TCP11L2: variants seen among roughly 807,000 people sequenced by gnomAD.
The protein encoded by TCP11L2 is T-complex protein 11-like protein 2.
Under a neutral mutation model 50.7 loss-of-function variants are expected in TCP11L2, and 39 were observed. That is an observed-to-expected ratio of 0.77 (90% CI 0.60 to 1.01). The LOEUF (loss-of-function observed/expected upper bound fraction) is 1.01. Ranked by LOEUF, TCP11L2 falls within the 50% of genes least tolerant of loss-of-function variation. The pLI is 0.00. For synonymous variants in TCP11L2, 192 were observed against 219.3 expected (o/e 0.88, Z 1.10); for missense variants, 612 against 614.7 (o/e 1.00, Z 0.05).
At chr12:106,303,536 C>T (rs1418811348) in intron 1 of TCP11L2, 2 of 152,292 alleles carry the variant, frequency 1.3e-5, no homozygotes, top group Non-Finnish European at 2.9e-5. Flanking sequence ...TTGCCGGGAC[C>T]TTTGGTTAAG....
intron 1 of TCP11L2, among the ~76,000 whole-genome samples, chr12:106,307,604 C>T (rs116580805): frequency 6.6e-6 from 1 of 152,170 alleles, no homozygotes; most frequent in Non-Finnish European, 1.5e-5. Flanking sequence ...CTTGGAAACT[C>T]AAGACCGAGA....
chr12:106,301,833 C>A (rs1055978439), upstream of TCP11L2: 1 of 152,278 alleles, frequency 6.6e-6, no homozygotes, highest in South Asian at 2.1e-4. Flanking sequence ...CAGAGCCCTC[C>A]TGGGACTGGT....
chr12:106,328,130 ACT>A (rs1053403408), intron 6 of TCP11L2, among the ~76,000 whole-genome samples: 8 of 152,220 alleles, frequency 5.3e-5, no homozygotes, highest in African/African-American at 1.2e-4. Context: ...AATATTTGAA[ACT>A]CTATTGTGAT....
At chr12:106,300,417 C>T (rs567908874), upstream of TCP11L2, among the ~76,000 whole-genome samples, 1 of 152,318 alleles carries the variant, frequency 6.6e-6, no homozygotes, top group African/African-American at 2.4e-5. Flanking sequence ...GCAACCTCCA[C>T]CTCCCAGGTT....
chr12:106,337,685 T>C (rs1240377287), intron 8 of TCP11L2, among the ~76,000 whole-genome samples: 1 of 152,234 alleles, frequency 6.6e-6, no homozygotes, highest in Non-Finnish European at 1.5e-5. Flanking sequence ...CACTTGAATA[T>C]GTTCTCAAAT....
At chr12:106,318,259 T>C (rs1429242105) in intron 3 of TCP11L2, 85 bp from the exon 4 acceptor site, 2 of 1,461,402 alleles carry the variant, frequency 1.4e-6, no homozygotes, top group Non-Finnish European at 1.9e-6. Flanking sequence ...TTACATTTTA[T>C]AAGATTTCTA....
At chr12:106,313,739 T>C (rs1365881141) in intron 2 of TCP11L2, among the ~76,000 whole-genome samples, 1 of 150,522 alleles carries the variant, frequency 6.6e-6, no homozygotes, top group Non-Finnish European at 1.5e-5. Flanking sequence ...CAGATTTCAA[T>C]GGGCACTAAA....
At position 106,346,702 on chromosome 12, in the gene TCP11L2, C is replaced by A; in HGVS notation, c.*172C>A. 1 of 692,836 alleles carries A rather than the reference C, an allele frequency of 1.4e-6. No individual in the cohort carries two copies. The allele number at this position is 692,836 out of a possible 1,614,324, so 42.9% of individuals were successfully genotyped here. ...CAGAAGACACACACATCACATAGAC[C>A]CTCAGAAGACGTAAACATCACATAG... is the stretch of plus-strand genomic sequence containing the variant. On this transcript the variant is annotated 3_prime_UTR_variant, in exon 10 of 10. Coordinates refer to ENST00000299045, the MANE Select transcript of TCP11L2 (RefSeq NM_152772.3).
intron 2 of TCP11L2, among the ~76,000 whole-genome samples, chr12:106,314,000 T>C (rs533669241): frequency 1.1e-3 from 165 of 152,246 alleles, no homozygotes; most frequent in African/African-American, 3.9e-3. Flanking sequence ...TCTCCTGACC[T>C]CATGATCTAC....
At chr12:106,322,695 GA>G (rs1312254439) in intron 5 of TCP11L2, among the ~76,000 whole-genome samples, 2 of 151,138 alleles carry the variant, frequency 1.3e-5, no homozygotes, top group Non-Finnish European at 2.9e-5. Context: ...AAATGTTTTG[GA>G]AAGGTAGGAG....
At chr12:106,304,755 A>C (rs917909817) in intron 1 of TCP11L2, among the ~76,000 whole-genome samples, 5 of 152,156 alleles carry the variant, frequency 3.3e-5, no homozygotes, top group African/African-American at 1.2e-4. Context: ...GGGTAATCTG[A>C]ATATTTCACT....
At chr12:106,308,242 T>G (rs895684021) in intron 1 of TCP11L2, among the ~76,000 whole-genome samples, 3 of 152,204 alleles carry the variant, frequency 2.0e-5, no homozygotes, top group Admixed American at 6.5e-5. Context: ...CATGGAACTC[T>G]GGGTTTGGAG....
chr12:106,321,506 TC>T lies in TCP11L2; in HGVS notation c.438del (p.Gly147ValfsTer55). Reference sequence around the variant, plus strand: ...TGTAGATTCTTCTCTCTTTTCTCACTCCCGGTGGCAACCGGCTTCGCAACCA... The same window carrying T: ...TGTAGATTCTTCTCTCTTTTCTCACTCCGGTGGCAACCGGCTTCGCAACCA... ...IREILLSFLT[P>X]GGNRLRNQIC... On this transcript the variant is annotated frameshift_variant, in exon 5 of 10. Coordinates refer to ENST00000299045, the MANE Select transcript of TCP11L2 (RefSeq NM_152772.3). LOFTEE classifies it high-confidence loss of function. 2 of 1,613,996 alleles carry T rather than the reference TC, an allele frequency of 1.2e-6. No homozygotes were observed. Among genetic ancestry groups the T allele is most frequent in the Non-Finnish European group, 1.7e-6 (2 of 1,179,910 alleles).
chr12:106,316,791 G>A (rs769427535), intron 3 of TCP11L2, among the ~76,000 whole-genome samples: 7 of 151,924 alleles, frequency 4.6e-5, no homozygotes, highest in Non-Finnish European at 1.0e-4. Context: ...CCTAAAACAG[G>A]GCCCTACACA....
At chr12:106,343,968 C>A (rs758279006) in intron 9 of TCP11L2, among the ~76,000 whole-genome samples, 3 of 151,296 alleles carry the variant, frequency 2.0e-5, no homozygotes, top group Non-Finnish European at 4.4e-5. Flanking sequence ...GCCATCTACA[C>A]TTTTAACAAG....
At chr12:106,314,603 CAG>C (rs1176535447) in intron 3 of TCP11L2, 110 bp downstream of exon 3, 82 of 644,118 alleles carry the variant, frequency 1.3e-4, no homozygotes, top group Middle Eastern at 4.0e-4. Context: ...GAGAGAGAGA[CAG>C]AGAGAGAGAT....
chr12:106,314,560 TGTGTGTGTGTGTGTGTGAGAGAGA>T (rs1464081405), intron 3 of TCP11L2, 67 bp downstream of exon 3: 52 of 945,072 alleles, frequency 5.5e-5, no homozygotes, highest in African/African-American at 3.6e-4. Flanking sequence ...TGTGTGTGTG[TGTGTGTGTGTGTGTGTGAGAGAGA>T]GAGAGAGAGA....
chr12:106,339,327 G>A (rs1208989127), intron 8 of TCP11L2, among the ~76,000 whole-genome samples: 1 of 152,110 alleles, frequency 6.6e-6, no homozygotes, highest in Non-Finnish European at 1.5e-5. Flanking sequence ...TTTTAATGAG[G>A]TCGTTTTTTG....
At chr12:106,312,883 G>C (rs1226101970) in intron 2 of TCP11L2, among the ~76,000 whole-genome samples, 1 of 151,346 alleles carries the variant, frequency 6.6e-6, no homozygotes, top group East Asian at 1.9e-4. Context: ...CTCTGTCTTG[G>C]GAAAAAAAAA....
Sources: allele counts gnomAD v4.1 joint callset (sites outside exome capture counted in the v4.1 genomes callset), GRCh38; gene constraint gnomAD v4.1.1; transcripts MANE v1.5; gene names NCBI Gene and HGNC (gene_info 2026-07-23, HGNC 2026-07-21).